The following BTRC variants were observed in gnomAD, a reference collection of about 807,000 sequenced individuals.
The protein encoded by BTRC is beta-transducin repeat containing E3 ubiquitin protein ligase.
In BTRC, 42 loss-of-function variants were observed where a neutral mutation model predicts 85.5. The ratio of observed to expected loss-of-function variants is 0.49; its 90% CI spans 0.38 to 0.64. The LOEUF (loss-of-function observed/expected upper bound fraction) is 0.64, where lower values mean the gene tolerates loss of function less well. Ranked by LOEUF, BTRC falls within the 30% of genes least tolerant of loss-of-function variation. The pLI is 0.00. For missense variants in BTRC, 594 were observed against 743.5 expected (o/e 0.80, Z 2.34); for synonymous variants, 255 against 263.3 (o/e 0.97, Z 0.30).
intron 2 of BTRC, among the ~76,000 whole-genome samples, chr10:101,448,640 A>G (rs1944886186): frequency 6.6e-6 from 1 of 152,054 alleles, no homozygotes; most frequent in Non-Finnish European, 1.5e-5. Flanking sequence ...CTGTTTAAAA[A>G]CATATTTTCT....
At chr10:101,389,268 A>G (rs1311158558) in intron 1 of BTRC, among the ~76,000 whole-genome samples, 1 of 151,526 alleles carries the variant, frequency 6.6e-6, no homozygotes, top group African/African-American at 2.4e-5. Context: ...ACAAGATTTT[A>G]TCTGTTCTAC....
intron 4 of BTRC, among the ~76,000 whole-genome samples, chr10:101,504,907 A>G (rs1172406807): frequency 6.6e-6 from 1 of 151,590 alleles, no homozygotes; most frequent in Non-Finnish European, 1.5e-5. Context: ...CCCCTCCCCC[A>G]TATTCTTCAA....
chr10:101,476,105 T>C (rs917113311), intron 3 of BTRC, among the ~76,000 whole-genome samples: 1 of 151,868 alleles, frequency 6.6e-6, no homozygotes, highest in Non-Finnish European at 1.5e-5. Context: ...TAAAGTATCT[T>C]TCCCCAAAAT....
At chr10:101,459,412 A>G (rs1410158445) in intron 2 of BTRC, among the ~76,000 whole-genome samples, 1 of 152,188 alleles carries the variant, frequency 6.6e-6, no homozygotes, top group Non-Finnish European at 1.5e-5. Context: ...CTTTAGTATT[A>G]GGAGGGTTCC....
At chr10:101,360,101 C>T (rs1457456222) in intron 1 of BTRC, among the ~76,000 whole-genome samples, 2 of 152,166 alleles carry the variant, frequency 1.3e-5, no homozygotes, top group African/African-American at 4.8e-5. Flanking sequence ...GTCACCCAGG[C>T]TGGAGTACAG....
intron 4 of BTRC, among the ~76,000 whole-genome samples, chr10:101,481,336 T>G (rs905803460): frequency 4.6e-5 from 7 of 152,178 alleles, no homozygotes; most frequent in Non-Finnish European, 8.8e-5. Flanking sequence ...TTTTTTCTTT[T>G]TTTTGTTTTT....
chr10:101,444,837 T>A (rs528506012), intron 2 of BTRC, among the ~76,000 whole-genome samples: 1 of 152,334 alleles, frequency 6.6e-6, no homozygotes, highest in African/African-American at 2.4e-5. Context: ...ACAAATTTCC[T>A]TTCTCAAGAG....
chr10:101,424,002 G>C (rs539559202), intron 1 of BTRC, among the ~76,000 whole-genome samples: 1 of 152,312 alleles, frequency 6.6e-6, no homozygotes, highest in South Asian at 2.1e-4. Flanking sequence ...GGCCAAGGCA[G>C]GTGGATCACC....
rs188936560 is a variant in BTRC at position 101,461,170 on chromosome 10, G to A, written c.157-811G>A. Among the ~76,000 whole-genome samples the A allele has an allele frequency of 3.2e-3, 486 of 152,214 alleles. 3 individuals carry two copies. Among genetic ancestry groups the A allele is most frequent in the Non-Finnish European group, 6.2e-3 (419 of 68,018 alleles). ...GCCCGCCTTGGCCTCCCAAAGTGCTGGGATTACAAGTGTGAGCCACCGCAC... is the reference window on the plus strand; with the variant it reads ...GCCCGCCTTGGCCTCCCAAAGTGCTAGGATTACAAGTGTGAGCCACCGCAC... On this transcript the variant is annotated intron_variant, in intron 2 of 14. Coordinates refer to ENST00000370187, the MANE Select transcript of BTRC (RefSeq NM_033637.4).
At chr10:101,388,382 A>G (rs1022755375) in intron 1 of BTRC, among the ~76,000 whole-genome samples, 4 of 151,790 alleles carry the variant, frequency 2.6e-5, no homozygotes, top group African/African-American at 9.7e-5. Context: ...TTGTAGAGAC[A>G]GGGTCTCTCT....
intron 3 of BTRC, among the ~76,000 whole-genome samples, chr10:101,465,851 T>A (rs1767431474): frequency 6.6e-6 from 1 of 152,218 alleles, no homozygotes; most frequent in South Asian, 2.1e-4. Flanking sequence ...AGTAGAGCAG[T>A]GTATCCTTGT....
rs143308686 is a variant in BTRC, at chr10:101,510,938, T to A, written c.325-10701T>A. 1.6e-3 allele frequency among the ~76,000 whole-genome samples: 239 copies of A among 152,324 alleles called. 2 individuals carry two copies. Among genetic ancestry groups the A allele is most frequent in the African/African-American group, 5.6e-3 (233 of 41,568 alleles). ...CTGGATTATTTTATCAGCCTTCTAA[T>A]TGATCTTTCTTCCTCTGCTTTTGCA... On this transcript the variant is annotated intron_variant, in intron 4 of 14. Coordinates refer to ENST00000370187, the MANE Select transcript of BTRC (RefSeq NM_033637.4).
rs1945450433 is a variant in BTRC, at chr10:101,468,927, T to TA, written c.234+6875dup. 2.0e-5 allele frequency among the ~76,000 whole-genome samples: 3 copies of TA among 152,224 alleles called. No individual in the cohort carries two copies. The South Asian group carries it at 6.2e-4, about 32-fold the overall frequency. ...TAATCCTATGTCATTGAATCCATTG[T>TA]AAAAAATTAAACTCTTTAAAATGTT... On this transcript the variant is annotated intron_variant, in intron 3 of 14. Transcript: ENST00000370187.
intron 4 of BTRC, among the ~76,000 whole-genome samples, chr10:101,482,393 C>CTTTTTTTTTTTTTTTTTTTTT (rs55978440): frequency 3.0e-5 from 3 of 99,814 alleles, no homozygotes; most frequent in Non-Finnish European, 6.2e-5. Flanking sequence ...TTGTTTGTTT[C>CTTTTTTTTTTTTTTTTTTTTT]TTTTTTTTTT....
chr10:101,392,036 G>A (rs1343232246), intron 1 of BTRC, among the ~76,000 whole-genome samples: 3 of 152,098 alleles, frequency 2.0e-5, no homozygotes, highest in African/African-American at 7.2e-5. Context: ...CTGGAGTGCA[G>A]TGCCGCTATC....
chr10:101,467,041 A>G (rs1589506261), intron 3 of BTRC, among the ~76,000 whole-genome samples: 1 of 152,182 alleles, frequency 6.6e-6, no homozygotes, highest in South Asian at 2.1e-4. Flanking sequence ...TATTAACAAA[A>G]CAACCACAAC....
In BTRC at chr10:101,521,692, C is replaced by G; in HGVS notation, c.378C>G (p.Leu126=). 1 of 1,614,206 alleles carries G rather than the reference C, an allele frequency of 6.2e-7. No individual in the cohort carries two copies. The highest frequency in any genetic ancestry group is 1.7e-5 in the Admixed American group (1 of 60,028). The change falls in exon 5 of 15, where the codon CTC becomes CTG. Residue 126 remains leucine, a synonymous_variant. Transcript: ENST00000370187. ...SSMIVPKQRK[L]SASYEKEKEL... ...TGATTGTGCCCAAGCAACGGAAACTCTCAGCAAGCTATGAAAAGGAAAAGG... is the reference window on the plus strand; with the variant it reads ...TGATTGTGCCCAAGCAACGGAAACTGTCAGCAAGCTATGAAAAGGAAAAGG...
intron 7 of BTRC, 60 bp from the exon 8 acceptor site, chr10:101,532,235 A>C (rs1372002732): frequency 2.6e-6 from 4 of 1,537,602 alleles, no homozygotes; most frequent in Middle Eastern, 3.6e-4. Flanking sequence ...ATTAAAGCCT[A>C]AAAAGAGTTT....
intron 4 of BTRC, among the ~76,000 whole-genome samples, chr10:101,495,423 G>A (rs532407003): frequency 2.0e-4 from 30 of 152,262 alleles, no homozygotes; most frequent in Admixed American, 1.6e-3. Context: ...AACAATTAAA[G>A]CAAATTAAAA....
Sources: allele counts gnomAD v4.1 joint callset (sites outside exome capture counted in the v4.1 genomes callset), GRCh38; gene constraint gnomAD v4.1.1; transcripts MANE v1.5; gene names NCBI Gene and HGNC (gene_info 2026-07-23, HGNC 2026-07-21).